The following FBN1 variants were observed in gnomAD, a reference collection of about 807,000 sequenced individuals.
FBN1 encodes fibrillin 1.
FBN1 carries 29 observed loss-of-function variants against 365.1 expected under a neutral mutation model. The ratio of observed to expected loss-of-function variants is 0.08; its 90% confidence interval spans 0.06 to 0.11. The LOEUF (loss-of-function observed/expected upper bound fraction) is 0.11, where lower values mean the gene tolerates loss of function less well. Among genes scored for constraint, FBN1 ranks in the 10% least tolerant of loss-of-function variants. The pLI, the probability that FBN1 is intolerant of heterozygous loss-of-function variation, is 1.00. For synonymous variants in FBN1, 1,210 were observed against 1,270.5 expected (o/e 0.95, Z 1.01); for missense variants, 2,476 against 3,703.2 (o/e 0.67, Z 8.60).
intron 5 of FBN1, among the ~76,000 whole-genome samples, chr15:48,598,214 G>T (rs373449418): frequency 1.7e-4 from 26 of 152,298 alleles, no homozygotes; most frequent in African/African-American, 6.3e-4. Context: ...CAACTCTGCC[G>T]ATTACCATCT....
chr15:48,414,765 G>A (rs993514879), intron 64 of FBN1, among the ~76,000 whole-genome samples: 2 of 151,840 alleles, frequency 1.3e-5, no homozygotes, highest in Admixed American at 6.6e-5. Context: ...GCGTGGTGGC[G>A]GGCACCTGTA....
chr15:48,523,874 T>A (rs1597586123), intron 9 of FBN1, among the ~76,000 whole-genome samples: 2 of 152,312 alleles, frequency 1.3e-5, no homozygotes, highest in East Asian at 3.9e-4. Flanking sequence ...GGCCAAGACA[T>A]CTGGCGAAGA....
intron 2 of FBN1, among the ~76,000 whole-genome samples, chr15:48,635,578 TATAA>T (rs1248716979): frequency 3.3e-5 from 5 of 152,230 alleles, no homozygotes; most frequent in Non-Finnish European, 7.4e-5. Flanking sequence ...CATTTGAGGC[TATAA>T]ATAGAAATTG....
chr15:48,419,049 G>C (rs1333078476), intron 63 of FBN1, among the ~76,000 whole-genome samples: 1 of 152,066 alleles, frequency 6.6e-6, no homozygotes, highest in Non-Finnish European at 1.5e-5. Context: ...ATCCAGGGAG[G>C]GCTGGTCTAA....
At chr15:48,616,842 T>C (rs891126341) in intron 2 of FBN1, among the ~76,000 whole-genome samples, 2 of 152,172 alleles carry the variant, frequency 1.3e-5, no homozygotes, top group African/African-American at 4.8e-5. Context: ...GTGCTAAAGA[T>C]ATATTATTTT....
Position 48,520,638 on chromosome 15 carries a change from G to A in FBN1, c.1147+21C>T, listed in dbSNP as rs200890545. 2.6e-5 allele frequency: 42 copies of A among 1,613,542 alleles called. No individual in the cohort carries two copies. The East Asian group carries it at 8.9e-4, about 34-fold the overall frequency. On this transcript the variant is annotated intron_variant, in intron 10 of 65. Coordinates refer to ENST00000316623, the MANE Select transcript of FBN1 (RefSeq NM_000138.5). Reference sequence around the variant, plus strand: ...GAGGGCTGGGATGGGATATTCTGCAGATAACTGGAAGGGCTCTTACCGGTT... The same window carrying A: ...GAGGGCTGGGATGGGATATTCTGCAAATAACTGGAAGGGCTCTTACCGGTT...
intron 6 of FBN1, among the ~76,000 whole-genome samples, chr15:48,584,372 A>AT (rs1356683396): frequency 1.3e-5 from 2 of 152,196 alleles, no homozygotes; most frequent in African/African-American, 4.8e-5. Flanking sequence ...CAATTAGAAA[A>AT]ACACAACTCC....
chr15:48,456,083 C>T lies in FBN1; in HGVS notation c.5422+554G>A, dbSNP rs76680655. On this transcript the variant is annotated intron_variant, in intron 44 of 65. Coordinates refer to ENST00000316623, the MANE Select transcript of FBN1 (RefSeq NM_000138.5). ...ATATGAAGTGCTATAAGGAATGCTC[C>T]GAATCACAGTACATATACATGGCAA... Among the ~76,000 whole-genome samples the T allele has an allele frequency of 7.1e-3, 1,075 of 152,108 alleles. 12 individuals carry two copies. The highest frequency in any genetic ancestry group is 0.024 in the African/African-American group (1,016 of 41,490).
chr15:48,610,034 C>T (rs1289752235), intron 4 of FBN1, among the ~76,000 whole-genome samples: 6 of 152,202 alleles, frequency 3.9e-5, no homozygotes, highest in South Asian at 2.1e-4. Flanking sequence ...AAGGGACCTA[C>T]GTTTTTTGCC....
chr15:48,474,841 T>C (rs950288252), intron 32 of FBN1, among the ~76,000 whole-genome samples, 191 bp from the exon 33 acceptor site: 14 of 152,228 alleles, frequency 9.2e-5, no homozygotes, highest in African/African-American at 3.4e-4. Context: ...TATAACAATA[T>C]GATTGTACTA....
intron 6 of FBN1, among the ~76,000 whole-genome samples, chr15:48,538,615 A>G (rs2141359517): frequency 6.6e-6 from 1 of 152,162 alleles, no homozygotes; most frequent in Non-Finnish European, 1.5e-5. Flanking sequence ...GAGAGAGCCA[A>G]CAACAAATAA....
intron 6 of FBN1, among the ~76,000 whole-genome samples, chr15:48,567,481 C>T (rs1186806120): frequency 6.6e-6 from 1 of 151,978 alleles, no homozygotes; most frequent in East Asian, 1.9e-4. Context: ...CCAGGATTAC[C>T]CTGATACCAA....
chr15:48,466,244 C>T (rs933054853), intron 38 of FBN1, among the ~76,000 whole-genome samples: 2 of 152,098 alleles, frequency 1.3e-5, no homozygotes, highest in African/African-American at 4.8e-5. Context: ...CTACAGCTTC[C>T]CTTAATAATC....
intron 2 of FBN1, among the ~76,000 whole-genome samples, chr15:48,639,376 T>C (rs1470127277): frequency 6.6e-6 from 1 of 151,012 alleles, no homozygotes; most frequent in East Asian, 1.9e-4. Context: ...ATATAGATGT[T>C]ACCTAAATGT....
chr15:48,454,967 G>C (rs910815463), intron 44 of FBN1, among the ~76,000 whole-genome samples: 2 of 152,214 alleles, frequency 1.3e-5, no homozygotes, highest in African/African-American at 4.8e-5. Flanking sequence ...AAACTGAGTA[G>C]TGTCACAGAG....
chr15:48,594,194 C>A (rs901633787), intron 6 of FBN1, among the ~76,000 whole-genome samples: 1 of 152,156 alleles, frequency 6.6e-6, no homozygotes, highest in African/African-American at 2.4e-5. Context: ...ATTCTGGAAT[C>A]AAAAAGACTC....
chr15:48,439,796 G>A (rs576707515), intron 50 of FBN1, among the ~76,000 whole-genome samples: 2 of 152,184 alleles, frequency 1.3e-5, no homozygotes, highest in African/African-American at 4.8e-5. Flanking sequence ...TCAAATGCAC[G>A]AAGTCTTGAG....
At chr15:48,609,201 G>A (rs548090662) in intron 4 of FBN1, among the ~76,000 whole-genome samples, 3 of 152,292 alleles carry the variant, frequency 2.0e-5, no homozygotes, top group Admixed American at 6.5e-5. Flanking sequence ...CTCTTGCTAC[G>A]TAGAATGAAC....
chr15:48,434,353 T>A (rs2288303), intron 54 of FBN1, among the ~76,000 whole-genome samples: 1 of 152,138 alleles, frequency 6.6e-6, no homozygotes, highest in Non-Finnish European at 1.5e-5. Flanking sequence ...GAAACACCAA[T>A]GAGAACTCTC....
Sources: allele counts gnomAD v4.1 joint callset (sites outside exome capture counted in the v4.1 genomes callset), GRCh38; gene constraint gnomAD v4.1.1; transcripts MANE v1.5; gene names NCBI Gene and HGNC (gene_info 2026-07-23, HGNC 2026-07-21).